The following PPARG variants were observed in gnomAD, a reference collection of about 807,000 sequenced individuals.
PPARG encodes peroxisome proliferator-activated receptor gamma.
In PPARG, 17 loss-of-function variants were observed where a neutral mutation model predicts 39.2. The ratio of observed to expected loss-of-function variants is 0.43; its 90% CI spans 0.30 to 0.65. The LOEUF (loss-of-function observed/expected upper bound fraction) is 0.65. Ranked by LOEUF, PPARG falls within the 30% of genes least tolerant of loss-of-function variation. The pLI is 0.13. For synonymous variants in PPARG, 223 were observed against 215.7 expected (o/e 1.03, Z -0.30); for missense variants, 406 against 585.9 (o/e 0.69, Z 3.17).
chr3:12,432,175 T>A (rs2051683139), intron 7 of PPARG, among the ~76,000 whole-genome samples: 1 of 152,202 alleles, frequency 6.6e-6, no homozygotes, highest in Admixed American at 6.5e-5. Context: ...CATTACTGCG[T>A]TGACACAGAA....
intron 7 of PPARG, among the ~76,000 whole-genome samples, chr3:12,426,406 ACGACATTGCTCCTC>A (rs1326476726): frequency 6.6e-6 from 1 of 152,150 alleles, no homozygotes; most frequent in Non-Finnish European, 1.5e-5. Flanking sequence ...GCAGCAGTAA[ACGACATTGCTCCTC>A]AAATCATCCA....
At chr3:12,338,363 TATTATGAC>T (rs1438927254) in intron 2 of PPARG, among the ~76,000 whole-genome samples, 1 of 152,214 alleles carries the variant, frequency 6.6e-6, no homozygotes, top group African/African-American at 2.4e-5. Flanking sequence ...TCTTTATTTA[TATTATGAC>T]AGAATTTAAA....
intron 7 of PPARG, among the ~76,000 whole-genome samples, chr3:12,418,484 C>CT (rs2051153948): frequency 6.6e-6 from 1 of 152,170 alleles, no homozygotes; most frequent in African/African-American, 2.4e-5. Flanking sequence ...AGCACGATCC[C>CT]TTTGTCATCT....
chr3:12,383,161 G>A (rs1031446696), intron 4 of PPARG, among the ~76,000 whole-genome samples: 2 of 151,918 alleles, frequency 1.3e-5, no homozygotes, highest in African/African-American at 4.8e-5. Context: ...CCTTCATCAG[G>A]CCCCCCATAT....
At chr3:12,430,507 G>A (rs950990770) in intron 7 of PPARG, among the ~76,000 whole-genome samples, 1 of 152,218 alleles carries the variant, frequency 6.6e-6, no homozygotes, top group Non-Finnish European at 1.5e-5. Context: ...GTCTATCTTG[G>A]TAAGATGCAA....
intron 2 of PPARG, among the ~76,000 whole-genome samples, chr3:12,363,948 A>C (rs911853580): frequency 1.3e-5 from 2 of 152,012 alleles, no homozygotes; most frequent in Non-Finnish European, 2.9e-5. Context: ...AGGAAGTACA[A>C]AGAGTTCCCA....
intron 2 of PPARG, among the ~76,000 whole-genome samples, chr3:12,377,143 C>T (rs1162820336): frequency 6.6e-6 from 1 of 152,146 alleles, no homozygotes; most frequent in Admixed American, 6.6e-5. Context: ...AGTTTTGTTG[C>T]ACTTACTGTG....
chr3:12,372,315 G>A (rs1450926364), intron 2 of PPARG, among the ~76,000 whole-genome samples: 2 of 152,198 alleles, frequency 1.3e-5, no homozygotes, highest in Non-Finnish European at 2.9e-5. Flanking sequence ...AGTATCCAGT[G>A]TAAAGTCACA....
At chr3:12,423,248 G>A (rs1217981914) in intron 7 of PPARG, among the ~76,000 whole-genome samples, 1 of 152,188 alleles carries the variant, frequency 6.6e-6, no homozygotes, top group East Asian at 1.9e-4. Context: ...TGAGAGGAAT[G>A]TTAAATTGTC....
chr3:12,348,868 TCA>T lies in PPARG; in HGVS notation c.-8-30834_-8-30833del, dbSNP rs2048401566. 2.6e-5 allele frequency among the ~76,000 whole-genome samples: 4 copies of T among 152,280 alleles called. No homozygotes were observed. In the South Asian group the frequency reaches 8.3e-4, roughly 32 times the overall value. On this transcript the variant is annotated intron_variant, in intron 2 of 7. Transcript: ENST00000651735. The stretch of plus-strand genomic sequence containing the variant: ...AAGTTCTAAGATCTTATCATGTAAA[TCA>T]CCAGCATGCTGTTTTATGTATCTTA...
chr3:12,375,008 T>C (rs1158251724), intron 2 of PPARG, among the ~76,000 whole-genome samples: 2 of 152,218 alleles, frequency 1.3e-5, no homozygotes, highest in Non-Finnish European at 2.9e-5. Flanking sequence ...CCTTAACACA[T>C]AGATGGCTAT....
At chr3:12,404,655 T>C (rs1433223047) in intron 5 of PPARG, among the ~76,000 whole-genome samples, 3 of 152,030 alleles carry the variant, frequency 2.0e-5, no homozygotes, top group Non-Finnish European at 4.4e-5. Context: ...AATACAAAAC[T>C]GAGCCAGGCA....
At position 12,293,184 on chromosome 3, in the gene PPARG, G is replaced by C. The variant is rs868611409; in HGVS notation, c.-83+4050G>C. On this transcript the variant is annotated intron_variant, in intron 1 of 7. Transcript: ENST00000651735. ...CTACTGCGATTTTTTAGATATAAAG[G>C]AATTGAATCCATTAAGTGGAGATTT... 2.6e-5 allele frequency among the ~76,000 whole-genome samples: 4 copies of C among 152,302 alleles called. No homozygotes were observed. In the Middle Eastern group the frequency reaches 0.01, roughly 389 times the overall value.
intron 2 of PPARG, among the ~76,000 whole-genome samples, chr3:12,367,697 T>A (rs913744802): frequency 4.8e-5 from 7 of 147,002 alleles, no homozygotes; most frequent in South Asian, 2.2e-4. Context: ...AAAAAAAAAA[T>A]AAAAATAAAA....
intron 7 of PPARG, among the ~76,000 whole-genome samples, chr3:12,420,717 G>T (rs547703031): frequency 6.6e-6 from 1 of 152,346 alleles, no homozygotes; most frequent in South Asian, 2.1e-4. Context: ...ACCCAACTCA[G>T]TATTTGCTGG....
intron 1 of PPARG, among the ~76,000 whole-genome samples, chr3:12,291,591 A>G (rs1432860162): frequency 6.6e-6 from 1 of 152,192 alleles, no homozygotes; most frequent in Non-Finnish European, 1.5e-5. Context: ...ATGCACTTAA[A>G]GTAGGTTCTT....
chr3:12,412,516 G>T (rs2050911845), intron 6 of PPARG, among the ~76,000 whole-genome samples: 1 of 152,082 alleles, frequency 6.6e-6, no homozygotes, highest in Admixed American at 6.5e-5. Context: ...AATTATATTT[G>T]ATGTATCCCT....
intron 2 of PPARG, among the ~76,000 whole-genome samples, chr3:12,320,241 T>C (rs1007932017): frequency 6.6e-6 from 1 of 152,152 alleles, no homozygotes; most frequent in African/African-American, 2.4e-5. Flanking sequence ...TGTATGTATG[T>C]ATGCATGTAT....
intron 2 of PPARG, among the ~76,000 whole-genome samples, chr3:12,339,833 C>T (rs766603381): frequency 2.2e-4 from 33 of 152,178 alleles, no homozygotes; most frequent in Non-Finnish European, 4.7e-4. Flanking sequence ...ATTCCCCCTC[C>T]CTCAAATACT....
Sources: allele counts gnomAD v4.1 joint callset (sites outside exome capture counted in the v4.1 genomes callset), GRCh38; gene constraint gnomAD v4.1.1; transcripts MANE v1.5; gene names NCBI Gene and HGNC (gene_info 2026-07-23, HGNC 2026-07-21).